The following MTO1 variants were observed in gnomAD, a reference collection of about 807,000 sequenced individuals.
MTO1 encodes 5-taurinomethyluridine-[tRNA] synthase subunit MTO1, mitochondrial.
A neutral mutation model predicts 71.6 loss-of-function variants in MTO1; 46 were observed. The ratio of observed to expected loss-of-function variants is 0.64; its 90% CI spans 0.51 to 0.82. MTO1 has a LOEUF of 0.82. Among genes scored for constraint, MTO1 ranks in the 40% least tolerant of loss-of-function variants. The pLI is 0.00. For missense variants in MTO1, 773 were observed against 867.5 expected, an observed-to-expected ratio of 0.89 and a Z score of 1.37; for synonymous variants, 297 against 312.1, an observed-to-expected ratio of 0.95 and a Z score of 0.51.
In MTO1 at chr6:73,505,772, C is replaced by T. The variant is rs1020213665; in HGVS notation, c.*5037C>T. 4.6e-5 allele frequency: 7 copies of T among 152,078 alleles called. No homozygotes were observed. The highest frequency in any genetic ancestry group is 1.9e-4 in the East Asian group (1 of 5,188). The allele number at this position is 152,078 out of a possible 1,614,324, so 9.4% of individuals were successfully genotyped here. A position where few individuals can be genotyped will look rare whatever the true frequency, so the allele number is the denominator to read the frequency against. ...TTTCACAGGTTGGCCAAGCTAGTCTCGAACTCCTGACCTCATGATCCGCCC... is the reference window on the plus strand; with the variant it reads ...TTTCACAGGTTGGCCAAGCTAGTCTTGAACTCCTGACCTCATGATCCGCCC... On this transcript the variant is annotated 3_prime_UTR_variant, in exon 12 of 12. Coordinates refer to ENST00000498286, the MANE Select transcript of MTO1 (RefSeq NM_012123.4).
rs35121302 is a variant in MTO1, at chr6:73,482,789, CTTTTTTTTTT to C, written c.1637+182_1637+191del. Among the ~76,000 whole-genome samples, 6 of 92,148 alleles carry C rather than the reference CTTTTTTTTTT, an allele frequency of 6.5e-5. 1 individual carries two copies. The highest frequency in any genetic ancestry group is 9.8e-5 in the Non-Finnish European group (5 of 50,778). 60.5% of individuals were successfully genotyped at this position (92,148 alleles called of 152,430 possible). ...TAGCTGTAACTCATCTTTTTTCTTT[CTTTTTTTTTT>C]TTTTTTTTTTTTGAGACAGTCTCGC... On this transcript the variant is annotated intron_variant, in intron 9 of 11. Coordinates refer to ENST00000498286, the MANE Select transcript of MTO1 (RefSeq NM_012123.4).
rs762487924 is a variant in MTO1, at chr6:73,473,683, C to T, written c.825+29C>T. ...AGATACTTTACGAAAACCTGGCTTA[C>T]AGCTGGTATTGGCTATTCACAGCAG... On this transcript the variant is annotated intron_variant, in intron 4 of 11. Transcript: ENST00000498286. 3.2e-6 allele frequency: 5 copies of T among 1,546,376 alleles called. No homozygotes were observed. In the South Asian group the frequency reaches 5.8e-5, roughly 18 times the overall value.
chr6:73,486,398 C>T (rs1771653927), intron 9 of MTO1, among the ~76,000 whole-genome samples: 1 of 152,084 alleles, frequency 6.6e-6, no homozygotes, highest in South Asian at 2.1e-4. Context: ...TTCCCCCAGC[C>T]CCTGGTAACC....
rs781150444 is a variant in MTO1, at chr6:73,482,126, C to G, written c.1347C>G (p.Val449=). 3.7e-6 allele frequency: 6 copies of G among 1,614,164 alleles called. No individual in the cohort carries two copies. In the Admixed American group the frequency reaches 5.0e-5, roughly 13 times the overall value. Residue 449 remains valine (V), a synonymous_variant, in exon 8 of 12, where the codon GTC becomes GTG. Transcript: ENST00000498286. The part of the protein sequence containing the change: ...VVSRTEGYIG[V]LIDDLTTLGT... ...GCCGAACAGAAGGTTACATAGGAGTCTTGATTGATGACCTCACTACTCTGG... is the reference window on the plus strand; with the variant it reads ...GCCGAACAGAAGGTTACATAGGAGTGTTGATTGATGACCTCACTACTCTGG...
chr6:73,500,727 G>T lies in MTO1; in HGVS notation c.2071G>T (p.Glu691Ter), dbSNP rs748394297. The T allele has an allele frequency of 6.3e-7, 1 of 1,578,384 alleles. No homozygotes were observed. Among genetic ancestry groups the T allele is most frequent in the East Asian group, 2.3e-5 (1 of 43,778 alleles). ...TGATGCAGACAGACTTCAAGAGAGA[G>T]AGTTATAGCTTTCAATTCATAAAAG... is the stretch of plus-strand genomic sequence containing the variant. ...LCDADRLQER[E>*]L The change falls in exon 12 of 12, where the codon GAG becomes TAG. Residue 691 changes from glutamate to a stop codon, truncating the protein, a stop_gained. Coordinates refer to ENST00000498286, the MANE Select transcript of MTO1 (RefSeq NM_012123.4). LOFTEE classifies it high-confidence loss of function.
At chr6:73,469,910 C>G (rs150854650) in intron 3 of MTO1, among the ~76,000 whole-genome samples, 379 of 152,038 alleles carry the variant, frequency 2.5e-3, no homozygotes, top group Middle Eastern at 0.014. Flanking sequence ...GAGGCTGAGG[C>G]AGGAGAACCA....
At chr6:73,471,651 C>T (rs1255644227) in intron 3 of MTO1, 1 of 200,332 alleles carries the variant, frequency 5.0e-6, no homozygotes, top group Non-Finnish European at 1.0e-5. Context: ...CCCCAGGGCT[C>T]CAGTGATCTT....
At chr6:73,490,790 A>C (rs1021437942) in intron 9 of MTO1, among the ~76,000 whole-genome samples, 1 of 151,964 alleles carries the variant, frequency 6.6e-6, no homozygotes, top group African/African-American at 2.4e-5. Context: ...TATGTAAATG[A>C]AGTAAGTAAT....
At chr6:73,484,127 GAA>G (rs1771591035) in intron 9 of MTO1, among the ~76,000 whole-genome samples, 1 of 152,062 alleles carries the variant, frequency 6.6e-6, no homozygotes, top group Admixed American at 6.6e-5. Context: ...CACCAGCAAT[GAA>G]ACAGATTTTT....
In MTO1 at chr6:73,505,516, CTATTCTT is replaced by C. The variant is rs1772261371; in HGVS notation, c.*4784_*4790del. The C allele has an allele frequency of 6.6e-6, 1 of 152,038 alleles. No individual in the cohort carries two copies. The highest frequency in any genetic ancestry group is 2.4e-5 in the African/African-American group (1 of 41,424). The allele number at this position is 152,038 out of a possible 1,614,324, so 9.4% of individuals were successfully genotyped here. A position where few individuals can be genotyped will look rare whatever the true frequency, so the allele number is the denominator to read the frequency against. ...GGATGGGGGAGGGAGAAACAGGAAA[CTATTCTT>C]TAGTGAGTACAGAATTTCAGTTTTT... On this transcript the variant is annotated 3_prime_UTR_variant, in exon 12 of 12. Transcript: ENST00000498286.
rs567182304 is a variant in MTO1, at chr6:73,463,906, A to AT, written c.217+1841dup. Among the ~76,000 whole-genome samples the AT allele has an allele frequency of 1.3e-3, 200 of 151,786 alleles. 1 individual carries two copies. The highest frequency in any genetic ancestry group is 4.7e-3 in the African/African-American group (195 of 41,382). On this transcript the variant is annotated intron_variant, in intron 1 of 11. Coordinates refer to ENST00000498286, the MANE Select transcript of MTO1 (RefSeq NM_012123.4). ...AGGAGTCTGCCACCACGCCCAGCTAATTTTTTGTATTTTTAGTAGAGATGG... is the reference window on the plus strand; with the variant it reads ...AGGAGTCTGCCACCACGCCCAGCTAATTTTTTTGTATTTTTAGTAGAGATGG...
Position 73,466,469 on chromosome 6 carries a change from C to T in MTO1, c.418-20C>T. 1 of 1,613,212 alleles carries T rather than the reference C, an allele frequency of 6.2e-7. No individual in the cohort carries two copies. Among genetic ancestry groups the T allele is most frequent in the Non-Finnish European group, 8.5e-7 (1 of 1,179,184 alleles). On this transcript the variant is annotated intron_variant, in intron 2 of 11. Transcript: ENST00000498286. ...TGATTGTTTAATTACCATGTTTCAA[C>T]TGGCATTTTCTTTTGACAGAAAGAA...
At chr6:73,491,843 G>A (rs147867831) in intron 9 of MTO1, among the ~76,000 whole-genome samples, 65 of 152,252 alleles carry the variant, frequency 4.3e-4, no homozygotes, top group African/African-American at 1.5e-3. Flanking sequence ...GGGGCCGGGC[G>A]CAGTGGCTTA....
Position 73,473,220 on chromosome 6 carries a change from A to G in MTO1, c.536-145A>G, listed in dbSNP as rs902181008. On this transcript the variant is annotated intron_variant, in intron 3 of 11. Transcript: ENST00000498286. ...CTTGAACCCGGGAGGCGGAGGTTGC[A>G]GTGAGCGGACATTGCACCACTGCCC... is the stretch of plus-strand genomic sequence containing the variant. 29 of 826,970 alleles carry G rather than the reference A, an allele frequency of 3.5e-5. 1 individual carries two copies. The African/African-American group carries it at 5.0e-4, about 14-fold the overall frequency. 51.2% of individuals were successfully genotyped at this position (826,970 alleles called of 1,614,324 possible).
rs77517996 is a variant in MTO1 at position 73,500,897 on chromosome 6, C to T, written c.*162C>T. 0.022 allele frequency: 11,985 copies of T among 541,676 alleles called. 962 individuals are homozygous for T. The highest frequency in any genetic ancestry group is 0.19 in the African/African-American group (9,668 of 51,274). The allele number at this position is 541,676 out of a possible 1,614,324, so 33.6% of individuals were successfully genotyped here. On this transcript the variant is annotated 3_prime_UTR_variant, in exon 12 of 12. Coordinates refer to ENST00000498286, the MANE Select transcript of MTO1 (RefSeq NM_012123.4). ...GACAGAAATTATAATTGTGCTTTTT[C>T]GTGTATATGAAAAAACTAGTCGTAA...
intron 3 of MTO1, among the ~76,000 whole-genome samples, chr6:73,468,895 A>G (rs572224692): frequency 6.6e-6 from 1 of 152,166 alleles, no homozygotes; most frequent in Admixed American, 6.5e-5. Context: ...GGGGTGAGCC[A>G]CCACACCTGG....
In MTO1 at chr6:73,466,239, G is replaced by T. The variant is rs1420716921; in HGVS notation, c.248G>T (p.Gly83Val). The change falls in exon 2 of 12, where the codon GGC becomes GTC. Residue 83 changes from glycine to valine, a missense_variant. Coordinates refer to ENST00000498286, the MANE Select transcript of MTO1 (RefSeq NM_012123.4). ...ATGTCATGTAATCCTTCCTTTGGTG[G>T]CATCGGAAAGGGACATTTAATGAGG... is the stretch of plus-strand genomic sequence containing the variant. ...GQMSCNPSFGGIGKGHLMREV... is the reference protein window; with the variant it reads ...GQMSCNPSFGVIGKGHLMREV... 4 of 1,613,754 alleles carry T rather than the reference G, an allele frequency of 2.5e-6. No individual in the cohort carries two copies. The highest frequency in any genetic ancestry group is 3.4e-6 in the Non-Finnish European group (4 of 1,179,770).
At chr6:73,493,780 A>G (rs1323407936) in intron 10 of MTO1, among the ~76,000 whole-genome samples, 1 of 152,100 alleles carries the variant, frequency 6.6e-6, no homozygotes, top group Non-Finnish European at 1.5e-5. Context: ...GAAAAATAAT[A>G]CTATCTTTGG....
rs1231963534 is a variant in MTO1, at chr6:73,507,020, A to G, written c.*6285A>G. On this transcript the variant is annotated 3_prime_UTR_variant, in exon 12 of 12. Coordinates refer to ENST00000498286, the MANE Select transcript of MTO1 (RefSeq NM_012123.4). Reference sequence around the variant, plus strand: ...TCGGTCTATATTCACCAATTTTAAGATGCACATCTTTCCATATTTTAGTAT... The same window carrying G: ...TCGGTCTATATTCACCAATTTTAAGGTGCACATCTTTCCATATTTTAGTAT... 6.7e-6 allele frequency: 1 copy of G among 150,216 alleles called. No homozygotes were observed. The highest frequency in any genetic ancestry group is 1.5e-5 in the Non-Finnish European group (1 of 67,698). The allele number at this position is 150,216 out of a possible 1,614,324, so 9.3% of individuals were successfully genotyped here.
Sources: allele counts gnomAD v4.1 joint callset (sites outside exome capture counted in the v4.1 genomes callset), GRCh38; gene constraint gnomAD v4.1.1; transcripts MANE v1.5; gene names NCBI Gene and HGNC (gene_info 2026-07-23, HGNC 2026-07-21).